Variants in HERC1 observed in about 807,000 individuals in gnomAD.
The protein encoded by HERC1 is probable E3 ubiquitin-protein ligase HERC1.
Under a neutral mutation model 554.3 loss-of-function variants are expected in HERC1, and 160 were observed. The observed-to-expected ratio is 0.29, with a 90% CI of 0.25 to 0.33. The LOEUF (loss-of-function observed/expected upper bound fraction) is 0.33, where lower values mean the gene tolerates loss of function less well. HERC1 is among the 10% of genes least tolerant of loss of function. The pLI is 1.00. For missense variants in HERC1, 4,919 were observed against 5,918.5 expected, an observed-to-expected ratio of 0.83 and a Z score of 5.54; for synonymous variants, 2,175 against 2,131.7, an observed-to-expected ratio of 1.02 and a Z score of -0.56.
intron 1 of HERC1, among the ~76,000 whole-genome samples, chr15:63,805,371 G>A (rs567257303): frequency 5.9e-5 from 9 of 152,242 alleles, no homozygotes; most frequent in African/African-American, 9.6e-5. Flanking sequence ...TATGCTAAGC[G>A]AAATAAGCCA....
At chr15:63,772,355 C>T (rs1036384652) in intron 2 of HERC1, among the ~76,000 whole-genome samples, 1 of 151,958 alleles carries the variant, frequency 6.6e-6, no homozygotes, top group African/African-American at 2.4e-5. Context: ...ACACCATTGG[C>T]AAACATTTAA....
rs1444822557 is a variant in HERC1 at position 63,680,960 on chromosome 15, T to G, written c.6226-184A>C. ...ATCAATTTAGAAAGATTTTAAAACA[T>G]TCTTTATCTTGCAGGGCATTTAGAA... is the stretch of plus-strand genomic sequence containing the variant. On this transcript the variant is annotated intron_variant, in intron 34 of 77. Coordinates refer to ENST00000443617, the MANE Select transcript of HERC1 (RefSeq NM_003922.4). The surrounding 1 kb of genome is among the most constrained non-coding windows in gnomAD (Gnocchi z 5.8). Among the ~76,000 whole-genome samples the G allele has an allele frequency of 6.6e-6, 1 of 152,192 alleles. No homozygotes were observed. Among genetic ancestry groups the G allele is most frequent in the Non-Finnish European group, 1.5e-5 (1 of 68,040 alleles).
intron 72 of HERC1, 67 bp from the exon 73 acceptor site, chr15:63,623,957 C>A: frequency 6.5e-7 from 1 of 1,533,106 alleles, no homozygotes. Flanking sequence ...CACATGATAT[C>A]TTCCCATCAG....
chr15:63,696,775 T>G (rs1449738557), intron 26 of HERC1, among the ~76,000 whole-genome samples: 1 of 152,150 alleles, frequency 6.6e-6, no homozygotes, highest in East Asian at 1.9e-4. Flanking sequence ...CTGCTACTGC[T>G]TTCTTTATTA....
intron 33 of HERC1, among the ~76,000 whole-genome samples, chr15:63,689,128 C>T (rs17186555): frequency 0.16 from 24,097 of 152,042 alleles, 2,206 homozygotes; most frequent in Middle Eastern, 0.21. Flanking sequence ...AGAGAATATA[C>T]GGAGATCCGG....
chr15:63,738,710 G>A (rs1307066213), intron 12 of HERC1, among the ~76,000 whole-genome samples: 1 of 152,150 alleles, frequency 6.6e-6, no homozygotes, highest in Non-Finnish European at 1.5e-5. Context: ...AACAGAAACA[G>A]CCTGTGTGTA....
chr15:63,719,240 T>C (rs896266426), intron 19 of HERC1, among the ~76,000 whole-genome samples: 14 of 152,342 alleles, frequency 9.2e-5, no homozygotes, highest in East Asian at 1.9e-4. Flanking sequence ...TACTATTTTA[T>C]ATAAGGTGGT....
chr15:63,727,885 C>A lies in HERC1; in HGVS notation c.3155-47G>T. The A allele has an allele frequency of 1.3e-6, 2 of 1,494,596 alleles. No homozygotes were observed. The highest frequency in any genetic ancestry group is 1.2e-5 in the South Asian group (1 of 84,802). 92.6% of individuals were successfully genotyped at this position (1,494,596 alleles called of 1,614,324 possible). On this transcript the variant is annotated intron_variant, in intron 16 of 77. Transcript: ENST00000443617. This position sits in a 1 kb window ranked among gnomAD's most constrained non-coding sequence, Gnocchi z 4.3. ...ACATGGGACAATTGCTTCAAATGAA[C>A]TTTAAAAAAAGGAACCTAATAAATA...
At chr15:63,724,356 C>A (rs1031571617) in intron 18 of HERC1, among the ~76,000 whole-genome samples, 3 of 152,184 alleles carry the variant, frequency 2.0e-5, no homozygotes, top group African/African-American at 7.2e-5. Context: ...GTCCAACATT[C>A]ACCAGCCATG....
At chr15:63,732,878 C>G (rs181379844) in intron 14 of HERC1, 46 bp downstream of exon 14, 3 of 1,224,598 alleles carry the variant, frequency 2.4e-6, no homozygotes, top group Admixed American at 1.9e-5. Context: ...CTAAAGAGAT[C>G]CCTACCCCTT....
intron 24 of HERC1, among the ~76,000 whole-genome samples, chr15:63,708,738 G>A (rs1262082560): frequency 6.6e-6 from 1 of 152,180 alleles, no homozygotes; most frequent in Non-Finnish European, 1.5e-5. Context: ...CAGAATAAAT[G>A]AGGTATCAAA....
At chr15:63,708,621 G>A (rs903190799) in intron 24 of HERC1, among the ~76,000 whole-genome samples, 1 of 152,108 alleles carries the variant, frequency 6.6e-6, no homozygotes, top group African/African-American at 2.4e-5. Flanking sequence ...AATAACAGTA[G>A]ATAACACGTC....
intron 1 of HERC1, among the ~76,000 whole-genome samples, chr15:63,818,974 C>T (rs1368433330): frequency 6.6e-5 from 10 of 152,166 alleles, no homozygotes; most frequent in Admixed American, 1.3e-4. Context: ...TTATGTAAAA[C>T]GCCTAGGCTT....
intron 22 of HERC1, 142 bp from the exon 23 acceptor site, chr15:63,713,807 T>C: frequency 3.4e-6 from 2 of 593,218 alleles, no homozygotes; most frequent in Non-Finnish European, 5.8e-6. Context: ...ATATACAACA[T>C]AGTTAACTTA....
chr15:63,679,104 C>T (rs1039894913), intron 36 of HERC1, among the ~76,000 whole-genome samples: 2 of 152,172 alleles, frequency 1.3e-5, no homozygotes, highest in Admixed American at 6.5e-5. Flanking sequence ...TTAATTGATA[C>T]ATAGTCTAAG....
chr15:63,681,101 T>C (rs899886716), intron 34 of HERC1, among the ~76,000 whole-genome samples: 5 of 152,216 alleles, frequency 3.3e-5, no homozygotes, highest in African/African-American at 7.2e-5. Context: ...TCTTTACATA[T>C]AGATTTTAAC....
chr15:63,755,106 T>G, intron 6 of HERC1, 123 bp downstream of exon 6: 1 of 675,972 alleles, frequency 1.5e-6, no homozygotes, highest in Non-Finnish European at 2.6e-6. Flanking sequence ...TATCTTCCTC[T>G]GAGCTTAAAC....
chr15:63,611,558 T>G (rs1249920098), intron 77 of HERC1, among the ~76,000 whole-genome samples: 1 of 152,206 alleles, frequency 6.6e-6, no homozygotes, highest in African/African-American at 2.4e-5. Context: ...CCCACATCTT[T>G]GGGTTCCTTC....
At chr15:63,767,597 C>G (rs1345225022) in intron 2 of HERC1, among the ~76,000 whole-genome samples, 1 of 152,024 alleles carries the variant, frequency 6.6e-6, no homozygotes, top group Non-Finnish European at 1.5e-5. Context: ...ACTGGGGAGG[C>G]TGGGGCAGGA....
Sources: allele counts gnomAD v4.1 joint callset (sites outside exome capture counted in the v4.1 genomes callset), GRCh38; gene constraint gnomAD v4.1.1; non-coding constraint Gnocchi (gnomAD v3.1); transcripts MANE v1.5; gene names NCBI Gene and HGNC (gene_info 2026-07-23, HGNC 2026-07-21).